Variants in MALRD1 observed in about 807,000 individuals in gnomAD.
MALRD1 encodes MAM and LDL receptor class A domain containing 1, also known as MAM and LDL-receptor class A domain-containing protein 1.
In MALRD1, 247 loss-of-function variants were observed where a neutral mutation model predicts 242.1. The observed-to-expected ratio is 1.02, with a 90% CI of 0.92 to 1.13. MALRD1 has a LOEUF of 1.13. Ranked by LOEUF, MALRD1 falls within the 50% of genes most tolerant of loss-of-function variation. The pLI, the probability that MALRD1 is intolerant of heterozygous loss-of-function variation, is 0.00. For missense variants in MALRD1, 2,989 were observed against 2,533.1 expected (o/e 1.18, Z -3.86); for synonymous variants, 995 against 866.6 (o/e 1.15, Z -2.60).
At chr10:19,503,690 A>G (rs1405012234) in intron 31 of MALRD1, among the ~76,000 whole-genome samples, 4 of 152,202 alleles carry the variant, frequency 2.6e-5, no homozygotes, top group African/African-American at 9.7e-5. Context: ...CAATTAGACT[A>G]TCAACTCCAG....
chr10:19,395,822 TC>T (rs1371250133), intron 28 of MALRD1, among the ~76,000 whole-genome samples: 1 of 152,224 alleles, frequency 6.6e-6, no homozygotes, highest in Non-Finnish European at 1.5e-5. Context: ...TTAAACTTCT[TC>T]TGTTCCCATG....
At position 19,688,170 on chromosome 10, in the gene MALRD1, A is replaced by G. The variant is rs373818236; in HGVS notation, c.6138-4112A>G. On this transcript the variant is annotated intron_variant, in intron 36 of 39. Coordinates refer to ENST00000454679, the MANE Select transcript of MALRD1 (RefSeq NM_001142308.3). ...TTTTTAGTAGAGAAGGGGTTTTGCC[A>G]TGTTGGCCAGGCTGGTCTTGGAACT... 2.0e-4 allele frequency among the ~76,000 whole-genome samples: 30 copies of G among 152,218 alleles called. 1 individual carries two copies. The highest frequency in any genetic ancestry group is 6.7e-4 in the African/African-American group (28 of 41,556).
At chr10:19,306,591 A>G (rs1842219388) in intron 21 of MALRD1, among the ~76,000 whole-genome samples, 3 of 149,398 alleles carry the variant, frequency 2.0e-5, no homozygotes, top group Non-Finnish European at 3.0e-5. Flanking sequence ...TATACTGTAT[A>G]TATACTTAAT....
intron 18 of MALRD1, among the ~76,000 whole-genome samples, chr10:19,213,903 A>G (rs571384935): frequency 6.6e-6 from 1 of 152,016 alleles, no homozygotes; most frequent in Non-Finnish European, 1.5e-5. Context: ...AGAGCTAATC[A>G]CTCCCAATTA....
intron 32 of MALRD1, among the ~76,000 whole-genome samples, chr10:19,558,939 T>C (rs1376321338): frequency 6.6e-6 from 1 of 152,052 alleles, no homozygotes; most frequent in African/African-American, 2.4e-5. Flanking sequence ...ATCCCAGCAC[T>C]TTGGGAGGCT....
At chr10:19,271,395 G>C (rs1289503556) in intron 19 of MALRD1, among the ~76,000 whole-genome samples, 2 of 152,260 alleles carry the variant, frequency 1.3e-5, no homozygotes, top group African/African-American at 4.8e-5. Flanking sequence ...TTCATCTAAA[G>C]TTAAAAACCC....
chr10:19,282,158 G>A (rs1035045993), intron 20 of MALRD1, among the ~76,000 whole-genome samples: 2 of 152,030 alleles, frequency 1.3e-5, no homozygotes, highest in Non-Finnish European at 2.9e-5. Flanking sequence ...TATTTTAAAT[G>A]ATATGAAGAA....
chr10:19,444,837 T>C (rs1834877842), intron 28 of MALRD1, among the ~76,000 whole-genome samples: 1 of 152,210 alleles, frequency 6.6e-6, no homozygotes, highest in Admixed American at 6.5e-5. Context: ...CTGTATCTCC[T>C]GAATTTGAAT....
chr10:19,706,199 T>A (rs1833858190), intron 38 of MALRD1, among the ~76,000 whole-genome samples: 1 of 152,182 alleles, frequency 6.6e-6, no homozygotes, highest in African/African-American at 2.4e-5. Flanking sequence ...TCAAAAACGA[T>A]GAACACAGCT....
intron 26 of MALRD1, among the ~76,000 whole-genome samples, chr10:19,368,526 T>C (rs1227694766): frequency 6.6e-6 from 1 of 152,132 alleles, no homozygotes; most frequent in African/African-American, 2.4e-5. Context: ...TACAGCTTTG[T>C]AATGTATTTT....
chr10:19,703,013 TC>T (rs2131850884), intron 38 of MALRD1, among the ~76,000 whole-genome samples: 1 of 152,306 alleles, frequency 6.6e-6, no homozygotes, highest in African/African-American at 2.4e-5. Context: ...AGATTTGATT[TC>T]CTGGATTTTA....
rs1211220091 is a variant in MALRD1 at position 19,365,696 on chromosome 10, C to T, written c.4441+13399C>T. 1.2e-4 allele frequency among the ~76,000 whole-genome samples: 16 copies of T among 137,964 alleles called. No homozygotes were observed. The East Asian group carries it at 3.4e-3, about 29-fold the overall frequency. 90.5% of individuals were successfully genotyped at this position (137,964 alleles called of 152,430 possible). On this transcript the variant is annotated intron_variant, in intron 26 of 39. Coordinates refer to ENST00000454679, the MANE Select transcript of MALRD1 (RefSeq NM_001142308.3). Reference sequence around the variant, plus strand: ...AAAAAAAAAAAAAAAAAACAAGCTACTATGTTTTTTGAATATTGCTTTCTC... The same window carrying T: ...AAAAAAAAAAAAAAAAAACAAGCTATTATGTTTTTTGAATATTGCTTTCTC...
At chr10:19,423,459 C>T (rs895940764) in intron 28 of MALRD1, among the ~76,000 whole-genome samples, 1 of 151,662 alleles carries the variant, frequency 6.6e-6, no homozygotes. Context: ...CCTCCCACCC[C>T]CCAGAAAAAC....
chr10:19,631,650 ATC>A (rs1302114904), intron 36 of MALRD1, among the ~76,000 whole-genome samples: 1 of 152,120 alleles, frequency 6.6e-6, no homozygotes, highest in Non-Finnish European at 1.5e-5. Context: ...CCTCACCAGC[ATC>A]TGTTATTTTT....
At chr10:19,376,434 C>T (rs753730687) in intron 26 of MALRD1, among the ~76,000 whole-genome samples, 1 of 150,624 alleles carries the variant, frequency 6.6e-6, no homozygotes, top group Non-Finnish European at 1.5e-5. Flanking sequence ...CTCCAGACAT[C>T]AAAAATTGCT....
chr10:19,572,361 G>T (rs7082385), intron 33 of MALRD1, among the ~76,000 whole-genome samples: 48,184 of 152,086 alleles, frequency 0.32, 8,498 homozygotes, highest in Admixed American at 0.45. Context: ...GTCTCCATGA[G>T]GAAGAAACAT....
chr10:19,222,834 T>A (rs1482618228), intron 18 of MALRD1, among the ~76,000 whole-genome samples: 2 of 152,246 alleles, frequency 1.3e-5, no homozygotes, highest in Admixed American at 1.3e-4. Flanking sequence ...TTGGCTTTTA[T>A]CTTCAGTGGA....
intron 34 of MALRD1, among the ~76,000 whole-genome samples, chr10:19,596,791 G>A (rs945379834): frequency 6.6e-6 from 1 of 150,382 alleles, no homozygotes. Context: ...GAGAAGGAAG[G>A]AAGAGGGGAA....
chr10:19,109,427 C>T lies in MALRD1; in HGVS notation c.694+5352C>T, dbSNP rs189808198. 5.3e-5 allele frequency among the ~76,000 whole-genome samples: 8 copies of T among 152,236 alleles called. No homozygotes were observed. In the East Asian group the frequency reaches 7.7e-4, roughly 15 times the overall value. On this transcript the variant is annotated intron_variant, in intron 5 of 39. Coordinates refer to ENST00000454679, the MANE Select transcript of MALRD1 (RefSeq NM_001142308.3). ...GGATGCATGAGGACTGCTCTATCTC[C>T]GGGTCAGTCATGACCTCCCTGGTTG...
Sources: allele counts gnomAD v4.1 joint callset (sites outside exome capture counted in the v4.1 genomes callset), GRCh38; gene constraint gnomAD v4.1.1; transcripts MANE v1.5; gene names NCBI Gene and HGNC (gene_info 2026-07-23, HGNC 2026-07-21).